The following CALN1 variants were observed in gnomAD, a reference collection of about 807,000 sequenced individuals.
The protein encoded by CALN1 is calcium-binding protein 8.
Under a neutral mutation model 30.6 loss-of-function variants are expected in CALN1, and 17 were observed. The ratio of observed to expected loss-of-function variants is 0.56; its 90% CI spans 0.38 to 0.83. CALN1 has a LOEUF of 0.83. Ranked by LOEUF, CALN1 falls within the 40% of genes least tolerant of loss-of-function variation. The pLI, the probability that CALN1 is intolerant of heterozygous loss-of-function variation, is 0.00. For missense variants in CALN1, 291 were observed against 354.9 expected (o/e 0.82, Z 1.45); for synonymous variants, 156 against 131.4 (o/e 1.19, Z -1.28).
At chr7:71,909,718 C>T (rs1400074771) in intron 5 of CALN1, among the ~76,000 whole-genome samples, 2 of 152,152 alleles carry the variant, frequency 1.3e-5, no homozygotes, top group Admixed American at 1.3e-4. Flanking sequence ...TTTGGTATCA[C>T]TTGGTTTCCA....
intron 4 of CALN1, among the ~76,000 whole-genome samples, chr7:72,089,290 A>C (rs1178038767): frequency 1.3e-5 from 2 of 152,142 alleles, no homozygotes; most frequent in Non-Finnish European, 2.9e-5. Context: ...GCCATCACTA[A>C]AGAGGGTAAA....
intron 4 of CALN1, among the ~76,000 whole-genome samples, chr7:72,045,501 C>T (rs945247587): frequency 6.6e-6 from 1 of 152,170 alleles, no homozygotes; most frequent in Non-Finnish European, 1.5e-5. Context: ...GAGCCACAGG[C>T]AGCTCCCTCC....
At chr7:72,334,006 C>T (rs928121967) in intron 2 of CALN1, among the ~76,000 whole-genome samples, 1 of 152,180 alleles carries the variant, frequency 6.6e-6, no homozygotes, top group African/African-American at 2.4e-5. Context: ...AGGATCGAAA[C>T]CCAGCCTGTT....
chr7:71,908,773 C>T (rs370805582), intron 5 of CALN1, among the ~76,000 whole-genome samples: 10 of 152,194 alleles, frequency 6.6e-5, no homozygotes, highest in African/African-American at 2.4e-4. Flanking sequence ...GGTCAACTCA[C>T]TAACAGCTTA....
chr7:72,423,115 A>C (rs537784348), intron 1 of CALN1, among the ~76,000 whole-genome samples: 1 of 152,136 alleles, frequency 6.6e-6, no homozygotes, highest in Non-Finnish European at 1.5e-5. Flanking sequence ...TCTCAAAAAA[A>C]AAAAAAAGAA....
chr7:72,233,516 G>T (rs917522999), intron 3 of CALN1, among the ~76,000 whole-genome samples: 2 of 152,058 alleles, frequency 1.3e-5, no homozygotes, highest in Non-Finnish European at 2.9e-5. Context: ...AGGAGTTTGA[G>T]ACCAGCATCG....
chr7:72,438,732 G>A lies in CALN1; in HGVS notation c.-226+8310C>T, dbSNP rs938336317. The stretch of plus-strand genomic sequence containing the variant: ...TCCAGGCCTTATGTTGCTTCATCTC[G>A]TTGGCATTTAACACTCCATCCTCTC... On this transcript the variant is annotated intron_variant, in intron 1 of 6. Coordinates refer to the CALN1 transcript ENST00000395276. 3.3e-5 allele frequency among the ~76,000 whole-genome samples: 5 copies of A among 152,116 alleles called. No homozygotes were observed. The South Asian group carries it at 6.2e-4, about 19-fold the overall frequency.
intron 2 of CALN1, among the ~76,000 whole-genome samples, chr7:72,359,041 C>A (rs1341831004): frequency 3.3e-5 from 5 of 151,768 alleles, no homozygotes; most frequent in African/African-American, 1.2e-4. Flanking sequence ...CTTTTTTCTT[C>A]TTCCCCATGA....
At chr7:72,179,851 T>C (rs1174589503) in intron 3 of CALN1, among the ~76,000 whole-genome samples, 2 of 152,222 alleles carry the variant, frequency 1.3e-5, no homozygotes, top group Non-Finnish European at 2.9e-5. Context: ...AAAAAAGTTA[T>C]ATACTGACTC....
chr7:72,278,014 G>C (rs368114511), intron 3 of CALN1, among the ~76,000 whole-genome samples: 7 of 139,006 alleles, frequency 5.0e-5, no homozygotes, highest in South Asian at 2.6e-4. Flanking sequence ...ATTCCGGGGG[G>C]GGGGGACTTG....
At position 71,781,121 on chromosome 7, in the gene CALN1, CCT is replaced by C. The variant is rs1792691004; in HGVS notation, c.*6652_*6653del. 6.6e-6 allele frequency: 1 copy of C among 152,124 alleles called. No homozygotes were observed. Among genetic ancestry groups the C allele is most frequent in the Non-Finnish European group, 1.5e-5 (1 of 68,032 alleles). 9.4% of individuals were successfully genotyped at this position (152,124 alleles called of 1,614,324 possible). On this transcript the variant is annotated 3_prime_UTR_variant, in exon 7 of 7. Coordinates refer to ENST00000395275, the MANE Select transcript of CALN1 (RefSeq NM_031468.4). ...TGCAATTCATGGGTGAAATCCAGAC[CCT>C]CTCAGTAGGGAGCATTCACTCCATC...
chr7:72,285,092 C>T (rs1331031270), intron 2 of CALN1, among the ~76,000 whole-genome samples: 1 of 152,106 alleles, frequency 6.6e-6, no homozygotes, highest in Non-Finnish European at 1.5e-5. Context: ...TGTTGCTGGT[C>T]TGCAGTGAGA....
At chr7:72,263,041 C>A (rs559363692) in intron 3 of CALN1, among the ~76,000 whole-genome samples, 1 of 152,226 alleles carries the variant, frequency 6.6e-6, no homozygotes, top group East Asian at 1.9e-4. Flanking sequence ...TGCATTGGAC[C>A]CTGTCCAGTG....
chr7:72,007,722 T>C (rs1799854488), intron 5 of CALN1, among the ~76,000 whole-genome samples: 1 of 152,162 alleles, frequency 6.6e-6, no homozygotes, highest in Admixed American at 6.5e-5. Context: ...CAAGAGACTT[T>C]TTAAAAATTA....
intron 2 of CALN1, among the ~76,000 whole-genome samples, chr7:72,317,043 AGAG>A (rs1800511751): frequency 7.1e-6 from 1 of 140,244 alleles, no homozygotes; most frequent in African/African-American, 2.9e-5. Context: ...GAGGGAAGAG[AGAG>A]AGAGAAAGAG....
chr7:72,094,009 A>T (rs1336662087), intron 4 of CALN1, among the ~76,000 whole-genome samples: 1 of 152,170 alleles, frequency 6.6e-6, no homozygotes, highest in Non-Finnish European at 1.5e-5. Context: ...CCTGTAATAA[A>T]CACAACTAAG....
chr7:72,491,606 G>C, the CALN1 span, among the ~76,000 whole-genome samples: 1 of 152,120 alleles, frequency 6.6e-6, no homozygotes, highest in African/African-American at 2.4e-5. Context: ...GCCTGACAAG[G>C]GTTCTTTTCT....
At chr7:72,126,380 T>G (rs1055849666) in intron 3 of CALN1, among the ~76,000 whole-genome samples, 1 of 152,214 alleles carries the variant, frequency 6.6e-6, no homozygotes, top group African/African-American at 2.4e-5. Context: ...TTTCTTCCAG[T>G]TCCTGACTCC....
chr7:71,882,276 G>A (rs536871413), intron 5 of CALN1, among the ~76,000 whole-genome samples: 6 of 152,220 alleles, frequency 3.9e-5, no homozygotes, highest in South Asian at 2.1e-4. Context: ...TTGTTCTCAC[G>A]TCTTCTCTCT....
Sources: gnomAD v4.1 joint callset for allele counts (sites outside exome capture counted in the v4.1 genomes callset) on GRCh38, gnomAD v4.1.1 for gene constraint, MANE v1.5 for transcripts, NCBI Gene and HGNC (gene_info 2026-07-23, HGNC 2026-07-21) for gene names.